The following DCHS2 variants were observed in gnomAD, a reference collection of about 807,000 sequenced individuals.
The protein encoded by DCHS2 is dachsous cadherin-related 2, also known as protocadherin-23.
DCHS2 carries 142 observed loss-of-function variants against 182.4 expected under a neutral mutation model. That is an observed-to-expected ratio of 0.78 (90% confidence interval 0.68 to 0.89). The LOEUF (loss-of-function observed/expected upper bound fraction) is 0.89, where lower values mean the gene tolerates loss of function less well. Among genes scored for constraint, DCHS2 ranks in the 40% least tolerant of loss-of-function variants. DCHS2 has a pLI of 0.00. For missense variants in DCHS2, 4,319 were observed against 4,198.6 expected (o/e 1.03, Z -0.79); for synonymous variants, 1,740 against 1,663.3 (o/e 1.05, Z -1.12).
At chr4:154,295,518 T>C (rs775559913) in intron 13 of DCHS2, among the ~76,000 whole-genome samples, 1 of 152,204 alleles carries the variant, frequency 6.6e-6, no homozygotes, top group Non-Finnish European at 1.5e-5. Context: ...GTATCGTTCT[T>C]ATCTGGTTTG....
At chr4:154,427,831 C>A (rs1733394060) in intron 1 of DCHS2, among the ~76,000 whole-genome samples, 1 of 152,320 alleles carries the variant, frequency 6.6e-6, no homozygotes, top group East Asian at 1.9e-4. Context: ...ACCTCTCTCT[C>A]TATCTGTAAA....
Position 154,491,184 on chromosome 4 carries a change from C to T in DCHS2, c.172G>A (p.Ala58Thr). ...LWLLVHVWLW[A>T]ASGSSAQLFN... ...AACTGGGCAGAGGAGCCCGAGGCCG[C>T]CCACAGCCACACGTGCACCAAGAGC... The change falls in exon 1 of 20, where the codon GCG (alanine) becomes ACG (threonine). Residue 58 changes from alanine (A) to threonine (T), a missense_variant. Physicochemically the swap from Ala to Thr is moderately conservative, Grantham distance 58. Coordinates refer to ENST00000357232, the MANE Select transcript of DCHS2 (RefSeq NM_001358235.2). 3.9e-6 allele frequency: 6 copies of T among 1,551,376 alleles called. No homozygotes were observed. The highest frequency in any genetic ancestry group is 4.4e-6 in the Non-Finnish European group (5 of 1,146,902).
chr4:154,239,430 G>T (rs1307419672), intron 18 of DCHS2, 128 bp from the exon 19 acceptor site: 5 of 1,383,516 alleles, frequency 3.6e-6, no homozygotes, highest in Admixed American at 2.5e-5. Context: ...ACCTGACTTT[G>T]TTAGACATAT....
chr4:154,418,422 CCACT>C (rs1560746773), intron 1 of DCHS2, among the ~76,000 whole-genome samples: 1 of 152,186 alleles, frequency 6.6e-6, no homozygotes, highest in Non-Finnish European at 1.5e-5. Context: ...TGCCTTTAAT[CCACT>C]CACTAAGACT....
At position 154,269,934 on chromosome 4, in the gene DCHS2, A is replaced by C; in HGVS notation, c.6543T>G (p.Asn2181Lys). The change falls in exon 14 of 20, where the codon AAT (asparagine) becomes AAG (lysine). Residue 2181 changes from asparagine (N) to lysine (K), a missense_variant. Asn to Lys is a moderately conservative substitution (Grantham distance 94, BLOSUM62 0). Transcript: ENST00000357232. Reference sequence around the variant, plus strand: ...AGCACAGGGAAAGAACTCCATCTTCATTTCCACTAAAAATTGAATATTTCA... The same window carrying C: ...AGCACAGGGAAAGAACTCCATCTTCCTTTCCACTAAAAATTGAATATTTCA... ...DSMKYSIFSG[N>K]EDGVLSLCSK... 6.2e-7 allele frequency: 1 copy of C among 1,612,566 alleles called. No homozygotes were observed. The highest frequency in any genetic ancestry group is 8.5e-7 in the Non-Finnish European group (1 of 1,179,170).
chr4:154,370,097 C>T (rs560599644), intron 2 of DCHS2, among the ~76,000 whole-genome samples: 5 of 151,972 alleles, frequency 3.3e-5, no homozygotes, highest in Admixed American at 6.6e-5. Flanking sequence ...GAACTCCAGT[C>T]TATATTTCAT....
chr4:154,298,032 T>C lies in DCHS2; in HGVS notation c.6282A>G (p.Gln2094=), dbSNP rs552404081. 2.8e-5 allele frequency: 45 copies of C among 1,614,086 alleles called. 2 individuals are homozygous for C. The South Asian group carries it at 4.1e-4, about 15-fold the overall frequency. The change falls in exon 13 of 20, where the codon CAA becomes CAG. Residue 2094 remains glutamine (Q), a synonymous_variant. Transcript: ENST00000357232. ...FSIDKYTGEI[Q]FQQNPSSEYF... is the part of the protein sequence containing the mutation. ...ATTCTGAAGATGGATTTTGCTGAAA[T>C]TGAATTTCTCCTGTGTATTTATCAA...
At position 154,366,237 on chromosome 4, in the gene DCHS2, A is replaced by C. The variant is rs949482892; in HGVS notation, c.2449T>G (p.Ser817Ala). 8 of 1,613,590 alleles carry C rather than the reference A, an allele frequency of 5.0e-6. No homozygotes were observed. Among genetic ancestry groups the C allele is most frequent in the Non-Finnish European group, 5.9e-6 (7 of 1,179,898 alleles). ...AYELIPGNVS[S>A]LFTIDSTTGI... ...GTGGTGGAGTCAATGGTAAAAAGGGACGACACGTTTCCTGGAATAAGCTCA... is the reference window on the plus strand; with the variant it reads ...GTGGTGGAGTCAATGGTAAAAAGGGCCGACACGTTTCCTGGAATAAGCTCA... Residue 817 changes from serine to alanine, a missense_variant, in exon 3 of 20, where the codon TCC (serine) becomes GCC (alanine). By Grantham distance (99) the Ser-to-Ala change is moderately conservative. Transcript: ENST00000357232.
At chr4:154,256,524 T>A (rs533889545) in intron 15 of DCHS2, among the ~76,000 whole-genome samples, 1 of 136,482 alleles carries the variant, frequency 7.3e-6, no homozygotes, top group East Asian at 2.2e-4. Flanking sequence ...ATGTATTTGA[T>A]GAGTTATCAA....
intron 3 of DCHS2, among the ~76,000 whole-genome samples, chr4:154,338,057 A>G (rs1048722022): frequency 2.0e-5 from 3 of 152,248 alleles, no homozygotes; most frequent in African/African-American, 4.8e-5. Context: ...TTTAAAACAC[A>G]GCTCAGGTTT....
At chr4:154,281,236 A>C in intron 13 of DCHS2, among the ~76,000 whole-genome samples, 1 of 152,190 alleles carries the variant, frequency 6.6e-6, no homozygotes, top group Non-Finnish European at 1.5e-5. Context: ...ACTAAAAAGA[A>C]AAACAAAGTA....
chr4:154,368,211 C>T (rs1479455657), intron 2 of DCHS2, among the ~76,000 whole-genome samples: 1 of 152,148 alleles, frequency 6.6e-6, no homozygotes, highest in Non-Finnish European at 1.5e-5. Flanking sequence ...GAGGGGACTG[C>T]ACACTGGTGA....
chr4:154,290,077 TAAAC>T (rs1306788968), intron 13 of DCHS2, among the ~76,000 whole-genome samples: 1 of 152,086 alleles, frequency 6.6e-6, no homozygotes, highest in African/African-American at 2.4e-5. Context: ...TTAGAACTGA[TAAAC>T]AAATTCAGTG....
At chr4:154,358,993 C>T (rs889599833) in intron 3 of DCHS2, among the ~76,000 whole-genome samples, 4 of 151,628 alleles carry the variant, frequency 2.6e-5, no homozygotes, top group Non-Finnish European at 5.9e-5. Context: ...ATGAATAACT[C>T]TCTTTGCCTA....
chr4:154,269,856 A>C (rs1733489083), intron 14 of DCHS2, 44 bp downstream of exon 14: 1 of 1,580,608 alleles, frequency 6.3e-7, no homozygotes, highest in South Asian at 1.2e-5. Flanking sequence ...AATAACATTA[A>C]ATGGAGCAGA....
At chr4:154,413,663 C>T (rs959024768) in intron 1 of DCHS2, among the ~76,000 whole-genome samples, 2 of 152,158 alleles carry the variant, frequency 1.3e-5, no homozygotes, top group African/African-American at 4.8e-5. Flanking sequence ...AGTTTGGGTA[C>T]TTACTTCTCC....
intron 1 of DCHS2, among the ~76,000 whole-genome samples, chr4:154,392,681 G>A (rs542061363): frequency 1.3e-5 from 2 of 152,318 alleles, no homozygotes; most frequent in Non-Finnish European, 2.9e-5. Flanking sequence ...CTATGGAAGT[G>A]TGGGATGCAC....
intron 1 of DCHS2, among the ~76,000 whole-genome samples, chr4:154,414,698 AC>A (rs1392717552): frequency 6.6e-6 from 1 of 152,084 alleles, no homozygotes; most frequent in Non-Finnish European, 1.5e-5. Flanking sequence ...AAACATTAAT[AC>A]CCACCAAGAT....
intron 12 of DCHS2, among the ~76,000 whole-genome samples, chr4:154,300,510 CAAAAA>C (rs61371659): frequency 9.2e-5 from 10 of 108,164 alleles, no homozygotes; most frequent in African/African-American, 2.6e-4. Context: ...CTCATCTCTA[CAAAAA>C]AAAAAAAAAA....
Sources: allele counts gnomAD v4.1 joint callset (sites outside exome capture counted in the v4.1 genomes callset), GRCh38; gene constraint gnomAD v4.1.1; transcripts MANE v1.5; gene names NCBI Gene and HGNC (gene_info 2026-07-23, HGNC 2026-07-21).